The following ZNF282 variants were observed in gnomAD, a reference collection of about 807,000 sequenced individuals.
ZNF282 encodes the protein zinc finger protein 282, also known as HTLV-I U5 repressive element-binding protein 1.
A neutral mutation model predicts 61.9 loss-of-function variants in ZNF282; 30 were observed. That is an observed-to-expected ratio of 0.48 (90% CI 0.36 to 0.66). The LOEUF is 0.66. Ranked by LOEUF, ZNF282 falls within the 30% of genes least tolerant of loss-of-function variation. The pLI is 0.00. For missense variants in ZNF282, 788 were observed against 941.4 expected (o/e 0.84, Z 2.13); for synonymous variants, 396 against 405.0 (o/e 0.98, Z 0.27).
intron 4 of ZNF282, among the ~76,000 whole-genome samples, chr7:149,209,352 C>T (rs1486429962): frequency 1.3e-5 from 2 of 152,016 alleles, no homozygotes; most frequent in Non-Finnish European, 2.9e-5. Context: ...ACAAGCAGTC[C>T]TTCCCTGCTC....
rs781419599 is a variant in ZNF282 at position 149,198,545 on chromosome 7, G to A, written c.378G>A (p.Thr126=). The change falls in exon 2 of 8, where the codon ACG becomes ACA. Residue 126 remains threonine, a synonymous_variant. Coordinates refer to ENST00000610704, the MANE Select transcript of ZNF282 (RefSeq NM_003575.4). The surrounding 1 kb of genome is among the most constrained non-coding windows in gnomAD (Gnocchi z 4.3). ...ASQLLNLEGR[T]GTAEKKLADC... ...AGCTGCTGAACCTGGAGGGGCGCACGGGGACAGCCGAGAAGAAGCTGGCCG... is the reference window on the plus strand; with the variant it reads ...AGCTGCTGAACCTGGAGGGGCGCACAGGGACAGCCGAGAAGAAGCTGGCCG... 1.1e-5 allele frequency: 18 copies of A among 1,614,222 alleles called. No homozygotes were observed. Among genetic ancestry groups the A allele is most frequent in the East Asian group, 2.2e-5 (1 of 44,890 alleles).
At chr7:149,223,323 T>C (rs1266340804) in intron 7 of ZNF282, among the ~76,000 whole-genome samples, 1 of 151,754 alleles carries the variant, frequency 6.6e-6, no homozygotes, top group Non-Finnish European at 1.5e-5. Context: ...TGGCGCATGC[T>C]TATGGTCCCA....
In ZNF282 at chr7:149,206,994, A is replaced by G. The variant is rs138172240; in HGVS notation, c.712+172A>G. 7.9e-5 allele frequency among the ~76,000 whole-genome samples: 12 copies of G among 152,326 alleles called. No individual in the cohort carries two copies. In the East Asian group the frequency reaches 1.9e-3, roughly 24 times the overall value. ...AGGATAGAACAGTTTACAATAGGAT[A>G]AAAATTTAAAACCCAGTAACAGGGC... On this transcript the variant is annotated intron_variant, in intron 3 of 7. Transcript: ENST00000610704.
At chr7:149,217,906 A>G (rs1271874787) in intron 7 of ZNF282, among the ~76,000 whole-genome samples, 1 of 152,036 alleles carries the variant, frequency 6.6e-6, no homozygotes, top group Non-Finnish European at 1.5e-5. Flanking sequence ...CTGAGCATGT[A>G]TGACCTATGG....
At chr7:149,200,340 C>T (rs974150740) in intron 2 of ZNF282, among the ~76,000 whole-genome samples, 1 of 152,180 alleles carries the variant, frequency 6.6e-6, no homozygotes, top group Non-Finnish European at 1.5e-5. Flanking sequence ...TCTTCATCCT[C>T]CCTGTCCTGT....
chr7:149,223,604 C>G (rs1796295282), intron 7 of ZNF282, among the ~76,000 whole-genome samples: 1 of 152,216 alleles, frequency 6.6e-6, no homozygotes, highest in South Asian at 2.1e-4. Context: ...CTGCGTGCCA[C>G]CTGCTTGACC....
At chr7:149,218,205 G>C (rs1487806027) in intron 7 of ZNF282, among the ~76,000 whole-genome samples, 1 of 152,118 alleles carries the variant, frequency 6.6e-6, no homozygotes, top group East Asian at 1.9e-4. Flanking sequence ...GGATTGGCGG[G>C]GGGTGCGGAG....
intron 7 of ZNF282, among the ~76,000 whole-genome samples, chr7:149,217,615 T>C (rs1796179448): frequency 7.5e-6 from 1 of 133,522 alleles, no homozygotes; most frequent in African/African-American, 2.5e-5. Context: ...GGGAAGAGGA[T>C]GAATAAGCAG....
intron 7 of ZNF282, among the ~76,000 whole-genome samples, chr7:149,220,983 G>A (rs1321931474): frequency 6.6e-6 from 1 of 150,592 alleles, no homozygotes. Context: ...ACAGTGGCGC[G>A]ATCACGGCTC....
At position 149,225,143 on chromosome 7, in the gene ZNF282, T is replaced by C. The variant is rs1796347300; in HGVS notation, c.*496T>C. 6.2e-6 allele frequency: 1 copy of C among 162,032 alleles called. No homozygotes were observed. The highest frequency in any genetic ancestry group is 1.4e-5 in the Non-Finnish European group (1 of 73,318). 10.0% of individuals were successfully genotyped at this position (162,032 alleles called of 1,614,324 possible). A position where few individuals can be genotyped will look rare whatever the true frequency, so the allele number is the denominator to read the frequency against. ...AAGTGTTTTCTATCCGTTATCCATTTCACCCTTGGCCTATCCCTCTCAGAT... is the reference window on the plus strand; with the variant it reads ...AAGTGTTTTCTATCCGTTATCCATTCCACCCTTGGCCTATCCCTCTCAGAT... On this transcript the variant is annotated 3_prime_UTR_variant, in exon 8 of 8. Coordinates refer to ENST00000610704, the MANE Select transcript of ZNF282 (RefSeq NM_003575.4).
intron 7 of ZNF282, among the ~76,000 whole-genome samples, chr7:149,219,008 C>T (rs1205424362): frequency 1.3e-5 from 2 of 152,138 alleles, no homozygotes; most frequent in South Asian, 2.1e-4. Flanking sequence ...CAGGGAAGTT[C>T]GCTGAGCTTT....
At chr7:149,209,945 A>G (rs1173296475) in intron 4 of ZNF282, among the ~76,000 whole-genome samples, 1 of 152,120 alleles carries the variant, frequency 6.6e-6, no homozygotes, top group African/African-American at 2.4e-5. Flanking sequence ...GTTATAACTA[A>G]ACATCATAGA....
chr7:149,195,567 G>A lies in ZNF282; in HGVS notation c.-23G>A, dbSNP rs745780041. 2.6e-5 allele frequency: 42 copies of A among 1,606,932 alleles called. 1 individual carries two copies. Among genetic ancestry groups the A allele is most frequent in the Middle Eastern group, 1.6e-4 (1 of 6,064 alleles). On this transcript the variant is annotated 5_prime_UTR_variant, in exon 1 of 8. Transcript: ENST00000610704. Reference sequence around the variant, plus strand: ...CGTTCTTCTTCTCCCTGGCCGACCCGAGCGGGGAACAGCACTCCCAGGATG... The same window carrying A: ...CGTTCTTCTTCTCCCTGGCCGACCCAAGCGGGGAACAGCACTCCCAGGATG...
rs145870997 is a variant in ZNF282 at position 149,210,632 on chromosome 7, C to T, written c.880C>T (p.Arg294Cys). 25 of 1,612,266 alleles carry T rather than the reference C, an allele frequency of 1.6e-5. No individual in the cohort carries two copies. The highest frequency in any genetic ancestry group is 5.3e-5 in the African/African-American group (4 of 74,916). Residue 294 changes from arginine to cysteine, a missense_variant, in exon 5 of 8, where the codon CGT becomes TGT. Transcript: ENST00000610704. ...PAQDASSQVK[R>C]EDTLCVRGQR... ...GCAGGATGCGTCCTCCCAGGTGAAG[C>T]GTGAGGACACCCTGTGTGTCCGGGG...
At chr7:149,197,184 C>G (rs1256108101) in intron 1 of ZNF282, among the ~76,000 whole-genome samples, 1 of 152,222 alleles carries the variant, frequency 6.6e-6, no homozygotes, top group African/African-American at 2.4e-5. Context: ...GGTGAGGGCT[C>G]TGTGCTGGAA....
intron 2 of ZNF282, among the ~76,000 whole-genome samples, chr7:149,199,534 C>G (rs1026281144): frequency 6.6e-6 from 1 of 152,174 alleles, no homozygotes; most frequent in African/African-American, 2.4e-5. Flanking sequence ...GAAAACCTCC[C>G]TGGGCCCTGC....
chr7:149,220,937 T>TTTTG (rs1796238648), intron 7 of ZNF282, among the ~76,000 whole-genome samples: 1 of 150,866 alleles, frequency 6.6e-6, no homozygotes, highest in African/African-American at 2.4e-5. Context: ...TTTTTTTTTT[T>TTTTG]GAGATAAGGT....
intron 2 of ZNF282, among the ~76,000 whole-genome samples, chr7:149,199,404 A>C (rs909011689): frequency 1.3e-5 from 2 of 151,116 alleles, no homozygotes; most frequent in African/African-American, 4.9e-5. Flanking sequence ...TCCCCTGCCC[A>C]CCCCAGGAGG....
rs756700401 is a variant in ZNF282 at position 149,223,845 on chromosome 7, C to G, written c.1214C>G (p.Pro405Arg). 3.2e-5 allele frequency: 47 copies of G among 1,456,672 alleles called. 1 individual carries two copies. In the South Asian group the frequency reaches 6.1e-4, roughly 19 times the overall value. The allele number at this position is 1,456,672 out of a possible 1,614,324, so 90.2% of individuals were successfully genotyped here. A position where few individuals can be genotyped will look rare whatever the true frequency, so the allele number is the denominator to read the frequency against. Residue 405 changes from proline to arginine, a missense_variant, in exon 8 of 8, where the codon CCG becomes CGG. Pro to Arg is a moderately radical substitution (Grantham distance 103). Coordinates refer to ENST00000610704, the MANE Select transcript of ZNF282 (RefSeq NM_003575.4). ...CTGCTGATGGTGAAGAACCCACCCCCGGCCCCGCCACAGCCCCAGCCCCAG... is the reference window on the plus strand; with the variant it reads ...CTGCTGATGGTGAAGAACCCACCCCGGGCCCCGCCACAGCCCCAGCCCCAG... ...DSLLMVKNPP[P>R]APPQPQPQPQ...
Sources: gnomAD v4.1 joint callset for allele counts (sites outside exome capture counted in the v4.1 genomes callset) on GRCh38, gnomAD v4.1.1 for gene constraint, Gnocchi (gnomAD v3.1) non-coding constraint, MANE v1.5 for transcripts, NCBI Gene and HGNC (gene_info 2026-07-23, HGNC 2026-07-21) for gene names.